GPATCH2L: variants seen among roughly 807,000 people sequenced by gnomAD.
GPATCH2L encodes the protein G patch domain-containing protein 2-like.
GPATCH2L carries 31 observed loss-of-function variants against 57.4 expected under a neutral mutation model. That is an observed-to-expected ratio of 0.54 (90% confidence interval 0.41 to 0.73). The LOEUF (loss-of-function observed/expected upper bound fraction) is 0.73. GPATCH2L is among the 30% of genes least tolerant of loss of function. GPATCH2L has a pLI of 0.00. For missense variants in GPATCH2L, 481 were observed against 599.9 expected (o/e 0.80, Z 2.07); for synonymous variants, 199 against 210.7 (o/e 0.94, Z 0.48).
At chr14:76,218,828 A>AT (rs1473204750), downstream of GPATCH2L, among the ~76,000 whole-genome samples, 9 of 152,114 alleles carry the variant, frequency 5.9e-5, no homozygotes, top group South Asian at 1.9e-3. Flanking sequence ...TGAGAATATG[A>AT]TAAAGATGGC....
At chr14:76,166,511 A>T in intron 2 of GPATCH2L, 152 bp from the exon 3 acceptor site, 2 of 516,254 alleles carry the variant, frequency 3.9e-6, no homozygotes, top group Non-Finnish European at 7.2e-6. Context: ...GGGGAGGAAA[A>T]TAAAACTTTG....
downstream of GPATCH2L, among the ~76,000 whole-genome samples, chr14:76,215,605 T>C (rs1026547012): frequency 2.6e-5 from 4 of 151,836 alleles, no homozygotes; most frequent in African/African-American, 7.3e-5. Context: ...GAGGAGTTCA[T>C]GTCCTTTGTA....
intron 2 of GPATCH2L, among the ~76,000 whole-genome samples, chr14:76,155,392 A>T (rs1270801306): frequency 6.6e-6 from 1 of 152,210 alleles, no homozygotes; most frequent in African/African-American, 2.4e-5. Context: ...TGTGTGTGTG[A>T]GAGAGAATAT....
chr14:76,177,832 G>T (rs967606190), intron 6 of GPATCH2L, 156 bp from the exon 7 acceptor site: 60 of 1,028,564 alleles, frequency 5.8e-5, no homozygotes, highest in Non-Finnish European at 5.5e-5. Context: ...TCTCCCTTCT[G>T]TAATTTTCCT....
chr14:76,168,698 G>T (rs2038955843), intron 3 of GPATCH2L, among the ~76,000 whole-genome samples: 1 of 152,190 alleles, frequency 6.6e-6, no homozygotes. Flanking sequence ...ACTACGTAAA[G>T]CAAGTCATAT....
rs1204340112 is a variant in GPATCH2L at position 76,155,111 on chromosome 14, T to C, written c.662+86T>C. 3.7e-6 allele frequency: 4 copies of C among 1,083,000 alleles called. No individual in the cohort carries two copies. In the African/African-American group the frequency reaches 4.8e-5, roughly 13 times the overall value. 67.1% of individuals were successfully genotyped at this position (1,083,000 alleles called of 1,614,324 possible). On this transcript the variant is annotated intron_variant, in intron 2 of 9. Transcript: ENST00000261530. The stretch of plus-strand genomic sequence containing the variant: ...CATGGTCTTAGTGGGTTCTACCTTC[T>C]TTCAAACCAGCCACTCTAGTATTGA...
At chr14:76,197,254 C>T (rs1354826540) in intron 9 of GPATCH2L, among the ~76,000 whole-genome samples, 2 of 152,138 alleles carry the variant, frequency 1.3e-5, no homozygotes, top group African/African-American at 4.8e-5. Context: ...AACTCAGATC[C>T]TCATTCAGTC....
chr14:76,180,848 A>C lies in GPATCH2L; in HGVS notation c.1192A>C (p.Arg398=). 6.3e-7 allele frequency: 1 copy of C among 1,596,190 alleles called. No individual in the cohort carries two copies. The part of the protein sequence containing the change: ...RRCSPAHCSA[R]QANVHWGPPC... The stretch of plus-strand genomic sequence containing the variant: ...GTGTTCACCAGCACACTGCTCTGCC[A>C]GGTAATTGTCTTTTAGTAGCGGTTA... The change falls in exon 8 of 10, where the codon AGA becomes CGA. Residue 398 remains arginine (R), a splice_region_variant and synonymous_variant. Coordinates refer to ENST00000261530, the MANE Select transcript of GPATCH2L (RefSeq NM_017926.4).
Position 76,159,829 on chromosome 14 carries a change from A to G in GPATCH2L, c.662+4804A>G, listed in dbSNP as rs566018225. ...TGTATTCTGGGAGTTAGAGCCACCA[A>G]ATAGAAACTGAAAGATACTCAGGCC... is the stretch of plus-strand genomic sequence containing the variant. On this transcript the variant is annotated intron_variant, in intron 2 of 9. Transcript: ENST00000261530. Among the ~76,000 whole-genome samples, 19 of 152,230 alleles carry G rather than the reference A, an allele frequency of 1.2e-4. 2 individuals are homozygous for G. In the East Asian group the frequency reaches 3.5e-3, roughly 28 times the overall value.
rs1205710889 is a variant in GPATCH2L, at chr14:76,213,784, A to G, written c.*11933A>G. ...TCAGCTTCTTCTAATGTTAACTTAC[A>G]TACCAATGGTACAATTATTGAAACT... On this transcript the variant is annotated 3_prime_UTR_variant, in exon 10 of 10. Coordinates refer to ENST00000261530, the MANE Select transcript of GPATCH2L (RefSeq NM_017926.4). 2 of 152,204 alleles carry G rather than the reference A, an allele frequency of 1.3e-5. No individual in the cohort carries two copies. Among genetic ancestry groups the G allele is most frequent in the South Asian group, 2.1e-4 (1 of 4,832 alleles). 9.4% of individuals were successfully genotyped at this position (152,204 alleles called of 1,614,324 possible).
At chr14:76,216,985 A>G (rs536865917), downstream of GPATCH2L, among the ~76,000 whole-genome samples, 64 of 152,354 alleles carry the variant, frequency 4.2e-4, no homozygotes, top group African/African-American at 1.5e-3. Flanking sequence ...ATAGCTACAT[A>G]TAAATATATA....
chr14:76,221,783 C>G (rs1387557995), intron 1 of GPATCH2L, among the ~76,000 whole-genome samples: 1 of 151,968 alleles, frequency 6.6e-6, no homozygotes, highest in Admixed American at 6.6e-5. Context: ...ATTATGGGGA[C>G]AGTAAAAAGA....
intron 8 of GPATCH2L, among the ~76,000 whole-genome samples, chr14:76,186,569 TCA>T (rs2039775271): frequency 6.6e-6 from 1 of 152,224 alleles, no homozygotes; most frequent in Non-Finnish European, 1.5e-5. Flanking sequence ...CTTTAATGCC[TCA>T]GTTTCAGCCA....
chr14:76,200,868 T>C (rs978751435), intron 9 of GPATCH2L, among the ~76,000 whole-genome samples: 1 of 152,204 alleles, frequency 6.6e-6, no homozygotes, highest in Non-Finnish European at 1.5e-5. Context: ...TGCCATATTT[T>C]AGTATATATT....
intron 4 of GPATCH2L, 42 bp downstream of exon 4, chr14:76,172,061 C>T (rs2039110516): frequency 7.5e-7 from 1 of 1,330,698 alleles, no homozygotes; most frequent in Non-Finnish European, 1.0e-6. Flanking sequence ...TTTTATGGTT[C>T]TCCTTGGGCA....
At chr14:76,219,726 A>G (rs1027184799) in intron 1 of GPATCH2L, among the ~76,000 whole-genome samples, 2 of 152,148 alleles carry the variant, frequency 1.3e-5, no homozygotes, top group African/African-American at 4.8e-5. Context: ...AGAAAAGGAA[A>G]AGGTTAGGGT....
Position 76,203,487 on chromosome 14 carries a change from G to A in GPATCH2L, c.*1636G>A, listed in dbSNP as rs1448419872. The stretch of plus-strand genomic sequence containing the variant: ...CTGGTTCTCATGCAGTAGTGTGGGA[G>A]AGTGCTGAAGCCGGCCCAGCATGCC... On this transcript the variant is annotated 3_prime_UTR_variant, in exon 10 of 10. Coordinates refer to ENST00000261530, the MANE Select transcript of GPATCH2L (RefSeq NM_017926.4). 6.6e-6 allele frequency: 1 copy of A among 152,388 alleles called. No homozygotes were observed. Among genetic ancestry groups the A allele is most frequent in the Non-Finnish European group, 1.5e-5 (1 of 68,198 alleles). 9.4% of individuals were successfully genotyped at this position (152,388 alleles called of 1,614,324 possible). A position where few individuals can be genotyped will look rare whatever the true frequency, so the allele number is the denominator to read the frequency against.
At chr14:76,176,100 A>G (rs1260773465) in intron 5 of GPATCH2L, 1 of 152,288 alleles carries the variant, frequency 6.6e-6, no homozygotes, top group Non-Finnish European at 1.5e-5. Flanking sequence ...TTGAGGGACA[A>G]AGTACAGAGT....
rs1443265061 is a variant in GPATCH2L at position 76,210,213 on chromosome 14, A to G, written c.*8362A>G. ...TTGGAAGCAACATCTCACTTATTCA[A>G]CAACTCTAAAGGTAGGTACTTTTAT... is the stretch of plus-strand genomic sequence containing the variant. On this transcript the variant is annotated 3_prime_UTR_variant, in exon 10 of 10. Transcript: ENST00000261530. 2.6e-5 allele frequency: 4 copies of G among 152,224 alleles called. No individual in the cohort carries two copies. In the East Asian group the frequency reaches 5.8e-4, roughly 22 times the overall value. 9.4% of individuals were successfully genotyped at this position (152,224 alleles called of 1,614,324 possible).
Sources: gnomAD v4.1 joint callset for allele counts (sites outside exome capture counted in the v4.1 genomes callset) on GRCh38, gnomAD v4.1.1 for gene constraint, MANE v1.5 for transcripts, NCBI Gene and HGNC (gene_info 2026-07-23, HGNC 2026-07-21) for gene names.